MECOM: variants seen among roughly 807,000 people sequenced by gnomAD.
The protein encoded by MECOM is histone-lysine N-methyltransferase MECOM.
MECOM carries 13 observed loss-of-function variants against 116.3 expected under a neutral mutation model. The ratio of observed to expected loss-of-function variants is 0.11; its 90% CI spans 0.07 to 0.18. MECOM has a LOEUF of 0.18. Among genes scored for constraint, MECOM ranks in the 10% least tolerant of loss-of-function variants. MECOM has a pLI of 1.00. For synonymous variants in MECOM, 528 were observed against 535.2 expected (o/e 0.99, Z 0.19); for missense variants, 1,299 against 1,509.0 (o/e 0.86, Z 2.31).
At chr3:169,629,531 C>T (rs1314878482) in intron 1 of MECOM, among the ~76,000 whole-genome samples, 2 of 152,050 alleles carry the variant, frequency 1.3e-5, no homozygotes, top group African/African-American at 4.8e-5. Context: ...AAACTAATAA[C>T]AACTCTACTC....
chr3:169,306,691 G>A (rs1430889281), intron 2 of MECOM, among the ~76,000 whole-genome samples: 1 of 152,120 alleles, frequency 6.6e-6, no homozygotes, highest in Non-Finnish European at 1.5e-5. Context: ...TAGAACAAGA[G>A]CCCCCTGGAT....
intron 1 of MECOM, among the ~76,000 whole-genome samples, chr3:169,401,454 A>T (rs559925418): frequency 2.0e-5 from 3 of 152,344 alleles, no homozygotes; most frequent in African/African-American, 7.2e-5. Context: ...CTGAATGTGG[A>T]CTTTGGAAAC....
chr3:169,429,069 A>G (rs1741176792), intron 1 of MECOM, among the ~76,000 whole-genome samples: 1 of 152,236 alleles, frequency 6.6e-6, no homozygotes, highest in African/African-American at 2.4e-5. Context: ...CTAAGGATAT[A>G]CAAAAGATAT....
At chr3:169,114,588 T>C (rs1433714851) in intron 8 of MECOM, among the ~76,000 whole-genome samples, 2 of 152,236 alleles carry the variant, frequency 1.3e-5, no homozygotes, top group East Asian at 3.9e-4. Context: ...CTCTTGACAA[T>C]GTTCAAGATT....
intron 2 of MECOM, among the ~76,000 whole-genome samples, chr3:169,217,857 T>TAA (rs34184897): frequency 6.9e-5 from 10 of 145,642 alleles, no homozygotes; most frequent in African/African-American, 2.2e-4. Context: ...TATATATATA[T>TAA]AATCCCCATA....
rs143712762 is a variant in MECOM, at chr3:169,345,295, A to G, written c.375+35892T>C. ...ACAGCTTCTGGCGTATTTGTAAAGCAGTTTAAAGCTTATGCATTTTTGGCT... is the reference window on the plus strand; with the variant it reads ...ACAGCTTCTGGCGTATTTGTAAAGCGGTTTAAAGCTTATGCATTTTTGGCT... On this transcript the variant is annotated intron_variant, in intron 2 of 16. Transcript: ENST00000651503. Among the ~76,000 whole-genome samples the G allele has an allele frequency of 2.0e-5, 3 of 152,218 alleles. No individual in the cohort carries two copies. The East Asian group carries it at 5.8e-4, about 29-fold the overall frequency.
intron 1 of MECOM, among the ~76,000 whole-genome samples, chr3:169,516,917 T>C (rs1397139011): frequency 6.6e-6 from 1 of 152,178 alleles, no homozygotes; most frequent in African/African-American, 2.4e-5. Context: ...CAATAAATAT[T>C]GCAACATGCA....
At chr3:169,337,641 C>T (rs553489558) in intron 2 of MECOM, among the ~76,000 whole-genome samples, 1 of 152,294 alleles carries the variant, frequency 6.6e-6, no homozygotes, top group South Asian at 2.1e-4. Flanking sequence ...GACAAAGTCC[C>T]TGTCTTCTAG....
At chr3:169,211,291 A>T (rs531019821) in intron 2 of MECOM, among the ~76,000 whole-genome samples, 1 of 152,284 alleles carries the variant, frequency 6.6e-6, no homozygotes, top group South Asian at 2.1e-4. Context: ...GGCCTTGGAC[A>T]TGATCTCAAT....
intron 5 of MECOM, 69 bp downstream of exon 5, chr3:169,127,775 G>A (rs1170139136): frequency 7.1e-7 from 1 of 1,399,952 alleles, no homozygotes; most frequent in East Asian, 2.3e-5. Flanking sequence ...TCTGCACAAA[G>A]CCTCAAAATT....
intron 2 of MECOM, among the ~76,000 whole-genome samples, chr3:169,378,018 T>C (rs1404827106): frequency 6.6e-6 from 1 of 152,038 alleles, no homozygotes; most frequent in Non-Finnish European, 1.5e-5. Flanking sequence ...TCATGTCCTT[T>C]GCAGGGACAT....
chr3:169,316,699 T>C (rs1487086169), intron 2 of MECOM, among the ~76,000 whole-genome samples: 1 of 152,180 alleles, frequency 6.6e-6, no homozygotes, highest in Admixed American at 6.5e-5. Flanking sequence ...ATTATAGGCA[T>C]GTGCCACCAC....
chr3:169,140,314 T>C (rs554235067), intron 3 of MECOM, among the ~76,000 whole-genome samples: 1 of 152,210 alleles, frequency 6.6e-6, no homozygotes, highest in East Asian at 1.9e-4. Flanking sequence ...AGAGAAACTT[T>C]AAGGGAAAAA....
At chr3:169,574,631 AT>A in intron 1 of MECOM, among the ~76,000 whole-genome samples, 1 of 152,326 alleles carries the variant, frequency 6.6e-6, no homozygotes, top group South Asian at 2.1e-4. Context: ...CACACAAAGA[AT>A]TTGCAATCCT....
chr3:169,409,189 G>T (rs144719534), intron 1 of MECOM, among the ~76,000 whole-genome samples: 115 of 152,268 alleles, frequency 7.6e-4, no homozygotes, highest in Non-Finnish European at 1.5e-3. Flanking sequence ...CCCGAGCTGA[G>T]AAGAGCGACT....
At chr3:169,633,692 C>T (rs1209943065) in intron 1 of MECOM, among the ~76,000 whole-genome samples, 1 of 152,042 alleles carries the variant, frequency 6.6e-6, no homozygotes, top group Non-Finnish European at 1.5e-5. Flanking sequence ...GGACCTCAGC[C>T]CCTTGTGCAG....
chr3:169,144,914 A>T, intron 2 of MECOM: 1 of 1,021,056 alleles, frequency 9.8e-7, no homozygotes, highest in Non-Finnish European at 1.5e-6. Flanking sequence ...AGTTAAAATT[A>T]AACTCTTGAG....
intron 12 of MECOM, among the ~76,000 whole-genome samples, chr3:169,096,602 T>C (rs1014974150): frequency 2.6e-5 from 4 of 152,096 alleles, no homozygotes; most frequent in Non-Finnish European, 4.4e-5. Flanking sequence ...ACTTCAATCT[T>C]AGAGGACAGA....
rs182427659 is a variant in MECOM at position 169,263,514 on chromosome 3, G to T, written c.375+117673C>A. 9.8e-4 allele frequency among the ~76,000 whole-genome samples: 137 copies of T among 139,156 alleles called. No individual in the cohort carries two copies. The East Asian group carries it at 0.015, about 15-fold the overall frequency. The allele number at this position is 139,156 out of a possible 152,430, so 91.3% of individuals were successfully genotyped here. A position where few individuals can be genotyped will look rare whatever the true frequency, so the allele number is the denominator to read the frequency against. On this transcript the variant is annotated intron_variant, in intron 2 of 16. Coordinates refer to ENST00000651503, the MANE Select transcript of MECOM (RefSeq NM_004991.4). ...ACTCTCTCTTTTGATCATACGCAGA[G>T]CACTTGCACACACACACACACACAC...
Sources: allele counts gnomAD v4.1 joint callset (sites outside exome capture counted in the v4.1 genomes callset), GRCh38; gene constraint gnomAD v4.1.1; transcripts MANE v1.5; gene names NCBI Gene and HGNC (gene_info 2026-07-23, HGNC 2026-07-21).